The following DDX27 variants were observed in gnomAD, a reference collection of about 807,000 sequenced individuals.
DDX27 encodes probable ATP-dependent RNA helicase DDX27.
Under a neutral mutation model 99.3 loss-of-function variants are expected in DDX27, and 42 were observed. The ratio of observed to expected loss-of-function variants is 0.42; its 90% CI spans 0.33 to 0.55. The LOEUF (loss-of-function observed/expected upper bound fraction) is 0.55, where lower values mean the gene tolerates loss of function less well. Ranked by LOEUF, DDX27 falls within the 20% of genes least tolerant of loss-of-function variation. The probability of loss-of-function intolerance (pLI) is 0.07; values close to 1 mark genes in which losing one functional copy is unlikely to be tolerated. For missense variants in DDX27, 798 were observed against 976.8 expected (o/e 0.82, Z 2.44); for synonymous variants, 329 against 353.8 (o/e 0.93, Z 0.79).
At chr20:49,230,049 T>C (rs171130) in intron 8 of DDX27, 150 bp from the exon 9 acceptor site, 575,067 of 803,002 alleles carry the variant, frequency 0.72, 209,936 homozygotes, top group Non-Finnish European at 0.76. Context: ...AGTGCGTTTC[T>C]GGGAAACCCA....
At chr20:49,237,740 C>T (rs754125618) in intron 14 of DDX27, among the ~76,000 whole-genome samples, 8 of 152,164 alleles carry the variant, frequency 5.3e-5, no homozygotes, top group Non-Finnish European at 1.0e-4. Context: ...ATGAGGCAGC[C>T]ATGAGAGGTC....
intron 16 of DDX27, among the ~76,000 whole-genome samples, chr20:49,240,834 G>A (rs1378420685): frequency 2.0e-5 from 3 of 151,990 alleles, no homozygotes; most frequent in Admixed American, 2.0e-4. Flanking sequence ...GGGCAGCATG[G>A]CAAAACCCCA....
In DDX27 at chr20:49,222,856, G is replaced by T; in HGVS notation, c.241-101G>T. ...AATATGTATATGTATTTTCAGAGAA[G>T]GCCAAAATTTTTTCTTTTTCAAGTT... is the stretch of plus-strand genomic sequence containing the variant. On this transcript the variant is annotated intron_variant, in intron 2 of 20. Transcript: ENST00000618172. The T allele has an allele frequency of 3.1e-6, 3 of 967,388 alleles. No homozygotes were observed. The South Asian group carries it at 5.6e-5, about 18-fold the overall frequency. The allele number at this position is 967,388 out of a possible 1,614,324, so 59.9% of individuals were successfully genotyped here. A position where few individuals can be genotyped will look rare whatever the true frequency, so the allele number is the denominator to read the frequency against.
chr20:49,237,159 GC>G (rs1385942993), intron 14 of DDX27, among the ~76,000 whole-genome samples: 2 of 151,972 alleles, frequency 1.3e-5, no homozygotes, highest in African/African-American at 4.8e-5. Flanking sequence ...ATAGTGAGCT[GC>G]CTGTCTCTAA....
intron 1 of DDX27, among the ~76,000 whole-genome samples, chr20:49,221,084 C>T (rs6125596): frequency 6.6e-6 from 1 of 151,912 alleles, no homozygotes; most frequent in Admixed American, 6.6e-5. Flanking sequence ...GCCTCAGCCT[C>T]CCTAGTAGCT....
intron 3 of DDX27, 50 bp from the exon 4 acceptor site, chr20:49,223,218 T>C: frequency 1.3e-6 from 2 of 1,575,016 alleles, no homozygotes; most frequent in Non-Finnish European, 1.7e-6. Context: ...CTACTTAGGT[T>C]CTGGATTTCT....
chr20:49,226,242 T>A (rs1294646147), intron 6 of DDX27, among the ~76,000 whole-genome samples, 188 bp from the exon 7 acceptor site: 2 of 152,186 alleles, frequency 1.3e-5, no homozygotes, highest in Non-Finnish European at 2.9e-5. Flanking sequence ...TTTATTTCTT[T>A]TATTTACTGC....
At chr20:49,222,310 T>G (rs1388437387) in intron 2 of DDX27, among the ~76,000 whole-genome samples, 3 of 146,804 alleles carry the variant, frequency 2.0e-5, no homozygotes, top group East Asian at 2.0e-4. Context: ...TTTTTTGTAG[T>G]TTTTTTTTGT....
At chr20:49,221,280 A>G (rs2090471875) in intron 1 of DDX27, among the ~76,000 whole-genome samples, 172 bp from the exon 2 acceptor site, 1 of 151,876 alleles carries the variant, frequency 6.6e-6, no homozygotes, top group Non-Finnish European at 1.5e-5. Context: ...TTTAGTAGAG[A>G]CTGCGTTTCA....
intron 3 of DDX27, 42 bp from the exon 4 acceptor site, chr20:49,223,226 T>C: frequency 6.3e-7 from 1 of 1,585,010 alleles, no homozygotes; most frequent in Admixed American, 1.9e-5. Flanking sequence ...GTTCTGGATT[T>C]CTAGAAGTTT....
intron 1 of DDX27, among the ~76,000 whole-genome samples, chr20:49,220,616 G>A (rs550471631): frequency 3.9e-5 from 6 of 152,020 alleles, no homozygotes; most frequent in South Asian, 4.2e-4. Flanking sequence ...CCCTGTGGGC[G>A]CGGGCGGCCA....
Position 49,233,548 on chromosome 20 carries a change from C to A in DDX27, c.1132-20C>A. On this transcript the variant is annotated intron_variant, in intron 10 of 20. Coordinates refer to ENST00000618172, the MANE Select transcript of DDX27 (RefSeq NM_017895.8). ...ACCACCTTGCAGAGAGCTGAGGAAA[C>A]CTGGCTTTGTGCTTGGCAGGTGAAA... 1 of 1,608,684 alleles carries A rather than the reference C, an allele frequency of 6.2e-7. No homozygotes were observed.
intron 10 of DDX27, 60 bp from the exon 11 acceptor site, chr20:49,233,508 G>A: frequency 6.2e-7 from 1 of 1,601,820 alleles, no homozygotes; most frequent in Non-Finnish European, 8.5e-7. Context: ...GGTGAGCACT[G>A]CTTCCTCCTT....
At chr20:49,241,829 C>T in intron 16 of DDX27, 64 bp from the exon 17 acceptor site, 1 of 1,559,240 alleles carries the variant, frequency 6.4e-7, no homozygotes, top group Non-Finnish European at 8.8e-7. Flanking sequence ...ACGTGCACTT[C>T]TTATCGTAAG....
At chr20:49,238,791 G>A (rs1309978457) in intron 14 of DDX27, 158 bp from the exon 15 acceptor site, 2 of 49,874 alleles carry the variant, frequency 4.0e-5, no homozygotes, top group Non-Finnish European at 6.9e-5. Flanking sequence ...TTTTTTTTTT[G>A]TAGAGACAGA....
Position 49,228,782 on chromosome 20 carries a change from C to A in DDX27, c.774C>A (p.Val258=). 1 of 1,613,388 alleles carries A rather than the reference C, an allele frequency of 6.2e-7. No homozygotes were observed. The highest frequency in any genetic ancestry group is 2.2e-5 in the East Asian group (1 of 44,794). The change falls in exon 8 of 21, where the codon GTC becomes GTA. Residue 258 remains valine (V), a synonymous_variant. Coordinates refer to ENST00000618172, the MANE Select transcript of DDX27 (RefSeq NM_017895.8). ...RLIYKPRQAP[V]TRVLVLVPTR... is the part of the protein sequence containing the mutation. ...TTTATAAACCCCGCCAGGCTCCAGT[C>A]ACCCGCGTGCTGGTGCTAGTGCCCA...
At chr20:49,226,856 A>ATTTTTTT (rs1568972767) in intron 7 of DDX27, among the ~76,000 whole-genome samples, 36 of 28,342 alleles carry the variant, frequency 1.3e-3, no homozygotes, top group Non-Finnish European at 2.1e-3. Context: ...AGAGTAAAGG[A>ATTTTTTT]CTTTTTTTTT....
rs142399230 is a variant in DDX27, at chr20:49,224,966, G to C, written c.488G>C (p.Arg163Pro). 527 of 1,613,906 alleles carry C rather than the reference G, an allele frequency of 3.3e-4. 4 individuals carry two copies. The South Asian group carries it at 4.7e-3, about 14-fold the overall frequency. Residue 163 changes from arginine (R) to proline (P), a missense_variant, in exon 5 of 21, where the codon CGG (arginine) becomes CCG (proline). By Grantham distance (103) the Arg-to-Pro change is moderately radical. Transcript: ENST00000618172. ...TKADTLKVKD[R>P]KKKKKKGQEA... Reference sequence around the variant, plus strand: ...ATAGATACACTCAAAGTAAAGGATCGGAAGAAGAAGAAGAAGAAAGGACAG... The same window carrying C: ...ATAGATACACTCAAAGTAAAGGATCCGAAGAAGAAGAAGAAGAAAGGACAG...
At chr20:49,224,417 A>G (rs1252284617) in intron 4 of DDX27, among the ~76,000 whole-genome samples, 1 of 146,578 alleles carries the variant, frequency 6.8e-6, no homozygotes, top group Non-Finnish European at 1.5e-5. Flanking sequence ...GCTGGAGTGC[A>G]AGTGGTACAA....
Sources: allele counts gnomAD v4.1 joint callset (sites outside exome capture counted in the v4.1 genomes callset), GRCh38; gene constraint gnomAD v4.1.1; transcripts MANE v1.5; gene names NCBI Gene and HGNC (gene_info 2026-07-23, HGNC 2026-07-21).